Variants in NEO1 observed in about 807,000 individuals in gnomAD.
NEO1 encodes neogenin 1.
In NEO1, 63 loss-of-function variants were observed where a neutral mutation model predicts 159.7. The observed-to-expected ratio is 0.39, with a 90% CI of 0.32 to 0.49. The LOEUF (loss-of-function observed/expected upper bound fraction) is 0.49, where lower values mean the gene tolerates loss of function less well. Among genes scored for constraint, NEO1 ranks in the 20% least tolerant of loss-of-function variants. The pLI is 0.85. For missense variants in NEO1, 1,615 were observed against 1,831.0 expected (o/e 0.88, Z 2.15); for synonymous variants, 633 against 662.0 (o/e 0.96, Z 0.67).
At chr15:73,188,559 A>T (rs986848862) in intron 7 of NEO1, among the ~76,000 whole-genome samples, 1 of 152,090 alleles carries the variant, frequency 6.6e-6, no homozygotes, top group Non-Finnish European at 1.5e-5. Context: ...TCTGTTCTTT[A>T]TCCCTGTCTG....
At chr15:73,076,180 T>C (rs532343074) in intron 1 of NEO1, among the ~76,000 whole-genome samples, 2 of 152,280 alleles carry the variant, frequency 1.3e-5, no homozygotes, top group South Asian at 2.1e-4. Flanking sequence ...TGGTTTGTGA[T>C]GGTATAACAT....
intron 7 of NEO1, among the ~76,000 whole-genome samples, chr15:73,229,490 A>C (rs1329146825): frequency 6.7e-6 from 1 of 149,396 alleles, no homozygotes; most frequent in Non-Finnish European, 1.5e-5. Context: ...GGTTTTCTGC[A>C]TAGATAATTA....
At chr15:73,147,373 T>G (rs2032988940) in intron 5 of NEO1, among the ~76,000 whole-genome samples, 1 of 152,198 alleles carries the variant, frequency 6.6e-6, no homozygotes, top group Non-Finnish European at 1.5e-5. Flanking sequence ...CAGATAACTT[T>G]CTGTTTGCTT....
intron 21 of NEO1, among the ~76,000 whole-genome samples, 164 bp downstream of exon 21, chr15:73,274,888 G>T (rs2041335637): frequency 6.6e-6 from 1 of 151,372 alleles, no homozygotes. Context: ...GTTCTGAAAA[G>T]CTGGGGAATT....
intron 8 of NEO1, among the ~76,000 whole-genome samples, chr15:73,239,548 A>G (rs977342261): frequency 1.3e-5 from 2 of 152,174 alleles, no homozygotes; most frequent in African/African-American, 4.8e-5. Context: ...AGATTATACC[A>G]CTGTCTTTTT....
intron 1 of NEO1, among the ~76,000 whole-genome samples, chr15:73,063,361 G>A (rs534830738): frequency 3.9e-5 from 6 of 152,004 alleles, no homozygotes; most frequent in Non-Finnish European, 7.4e-5. Context: ...AACAAAGCCT[G>A]GCTTATTCAT....
intron 2 of NEO1, among the ~76,000 whole-genome samples, chr15:73,122,278 A>G (rs1855017122): frequency 6.6e-6 from 1 of 151,606 alleles, no homozygotes; most frequent in African/African-American, 2.4e-5. Flanking sequence ...GACTTATTCT[A>G]CCCATCTCCT....
At chr15:73,056,260 T>C (rs2067692277) in intron 1 of NEO1, among the ~76,000 whole-genome samples, 1 of 152,226 alleles carries the variant, frequency 6.6e-6, no homozygotes, top group African/African-American at 2.4e-5. Context: ...CCTTTGCACA[T>C]GCTGTTCTTT....
intron 1 of NEO1, among the ~76,000 whole-genome samples, chr15:73,115,238 T>C (rs2071237837): frequency 1.3e-5 from 2 of 152,190 alleles, no homozygotes; most frequent in South Asian, 4.1e-4. Context: ...AGATGGGGTT[T>C]CACCATGTTG....
rs577303291 is a variant in NEO1 at position 73,053,477 on chromosome 15, A to G, written c.130+672A>G. On this transcript the variant is annotated intron_variant, in intron 1 of 28. Coordinates refer to ENST00000261908, the MANE Select transcript of NEO1 (RefSeq NM_002499.4). ...ATGAAATGCCTCTTCTTTCCTGGGG[A>G]TTACAACTATATTTACAGCCTATTA... is the stretch of plus-strand genomic sequence containing the variant. Among the ~76,000 whole-genome samples the G allele has an allele frequency of 7.9e-5, 12 of 152,284 alleles. No homozygotes were observed. The East Asian group carries it at 2.1e-3, about 27-fold the overall frequency.
At chr15:73,274,800 T>C (rs892028917) in intron 21 of NEO1, 76 bp downstream of exon 21, 7 of 1,301,448 alleles carry the variant, frequency 5.4e-6, no homozygotes, top group East Asian at 5.0e-5. Flanking sequence ...TTGTTTCTTT[T>C]TTTTTTTTTT....
intron 1 of NEO1, among the ~76,000 whole-genome samples, chr15:73,069,567 T>C (rs976328625): frequency 1.2e-4 from 18 of 152,018 alleles, no homozygotes; most frequent in Admixed American, 9.8e-4. Context: ...ATCTATAATT[T>C]CAGTTGAATT....
intron 7 of NEO1, among the ~76,000 whole-genome samples, chr15:73,193,292 T>G (rs567392862): frequency 1.3e-3 from 204 of 152,104 alleles, no homozygotes; most frequent in Non-Finnish European, 1.9e-3. Flanking sequence ...AATGTAAAAT[T>G]ATAGAGTCTA....
rs1567748909 is a variant in NEO1 at position 73,304,191 on chromosome 15, T to C, written c.*1495T>C. The C allele has an allele frequency of 1.3e-5, 2 of 151,408 alleles. No homozygotes were observed. Among genetic ancestry groups the C allele is most frequent in the Non-Finnish European group, 1.5e-5 (1 of 67,940 alleles). 9.4% of individuals were successfully genotyped at this position (151,408 alleles called of 1,614,324 possible). On this transcript the variant is annotated 3_prime_UTR_variant, in exon 29 of 29. Transcript: ENST00000261908. ...AGTTGTCTGAGGTGAACCCAGCCGC[T>C]CAGCCACACATGGAAGCCATTGCCT...
At chr15:73,157,942 G>A (rs1356385887) in intron 5 of NEO1, among the ~76,000 whole-genome samples, 1 of 152,114 alleles carries the variant, frequency 6.6e-6, no homozygotes, top group African/African-American at 2.4e-5. Context: ...TTGACCAAAT[G>A]TGGTGGCTCA....
At chr15:73,163,977 C>G (rs534689716) in intron 5 of NEO1, among the ~76,000 whole-genome samples, 2 of 151,126 alleles carry the variant, frequency 1.3e-5, no homozygotes, top group Non-Finnish European at 2.9e-5. Context: ...TGGTGGATTT[C>G]TCCAACCCTT....
At chr15:73,266,189 T>TC in intron 15 of NEO1, 127 bp from the exon 16 acceptor site, 1 of 650,838 alleles carries the variant, frequency 1.5e-6, no homozygotes, top group Non-Finnish European at 2.6e-6. Flanking sequence ...CCTGAAATAA[T>TC]CCCCCATAAA....
At chr15:73,289,583 A>G (rs977841815) in intron 25 of NEO1, among the ~76,000 whole-genome samples, 7 of 152,176 alleles carry the variant, frequency 4.6e-5, no homozygotes, top group Non-Finnish European at 8.8e-5. Context: ...GTCTGATGTT[A>G]CAAGTTTTCA....
intron 7 of NEO1, among the ~76,000 whole-genome samples, chr15:73,180,132 A>C (rs1193455105): frequency 6.6e-6 from 1 of 152,154 alleles, no homozygotes; most frequent in Non-Finnish European, 1.5e-5. Flanking sequence ...AAAAGATGCC[A>C]CTTTAGACAT....
Sources: gnomAD v4.1 joint callset for allele counts (sites outside exome capture counted in the v4.1 genomes callset) on GRCh38, gnomAD v4.1.1 for gene constraint, MANE v1.5 for transcripts, NCBI Gene and HGNC (gene_info 2026-07-23, HGNC 2026-07-21) for gene names.